GALNTL6: variants seen among roughly 807,000 people sequenced by gnomAD.
GALNTL6 encodes polypeptide N-acetylgalactosaminyltransferase like 6.
A neutral mutation model predicts 73.7 loss-of-function variants in GALNTL6; 46 were observed. The ratio of observed to expected loss-of-function variants is 0.62; its 90% CI spans 0.49 to 0.80. GALNTL6 has a LOEUF of 0.80. Among genes scored for constraint, GALNTL6 ranks in the 30% least tolerant of loss-of-function variants. The probability of loss-of-function intolerance (pLI) is 0.00; values close to 1 mark genes in which losing one functional copy is unlikely to be tolerated. For synonymous variants in GALNTL6, 259 were observed against 263.7 expected (o/e 0.98, Z 0.17); for missense variants, 604 against 755.0 (o/e 0.80, Z 2.34).
intron 5 of GALNTL6, among the ~76,000 whole-genome samples, chr4:172,382,512 A>G (rs576035667): frequency 6.6e-6 from 1 of 152,204 alleles, no homozygotes; most frequent in South Asian, 2.1e-4. Context: ...TAATGTATCA[A>G]ATATATAATT....
intron 5 of GALNTL6, among the ~76,000 whole-genome samples, chr4:172,653,893 T>C (rs1278586265): frequency 6.6e-6 from 1 of 152,236 alleles, no homozygotes; most frequent in Non-Finnish European, 1.5e-5. Context: ...GCACCTTGTT[T>C]TCCACCACAG....
In GALNTL6 at chr4:172,648,554, T is replaced by C. The variant is rs530808274; in HGVS notation, c.554-160807T>C. ...ATCTTGCCCAAAGTCACATGACTCA[T>C]AAATGGAAGAAACACGATTCAAAAC... is the stretch of plus-strand genomic sequence containing the variant. On this transcript the variant is annotated intron_variant, in intron 5 of 12. Transcript: ENST00000506823. Among the ~76,000 whole-genome samples the C allele has an allele frequency of 2.6e-5, 4 of 152,244 alleles. No homozygotes were observed. In the East Asian group the frequency reaches 7.7e-4, roughly 29 times the overall value.
At chr4:172,847,390 T>C (rs1295467666) in intron 7 of GALNTL6, among the ~76,000 whole-genome samples, 1 of 152,224 alleles carries the variant, frequency 6.6e-6, no homozygotes, top group East Asian at 1.9e-4. Flanking sequence ...TCCACCCAGG[T>C]AGACAAAGTT....
At chr4:171,853,983 A>G (rs892358043) in intron 2 of GALNTL6, among the ~76,000 whole-genome samples, 2 of 152,092 alleles carry the variant, frequency 1.3e-5, no homozygotes, top group African/African-American at 2.4e-5. Context: ...TACATGCAGC[A>G]CTGGAAATAA....
intron 2 of GALNTL6, among the ~76,000 whole-genome samples, chr4:171,972,076 A>AT (rs1354580503): frequency 6.6e-6 from 1 of 152,020 alleles, no homozygotes; most frequent in Non-Finnish European, 1.5e-5. Context: ...TTGTGTGAGC[A>AT]TTATTTCAGC....
chr4:172,096,530 C>A (rs1198429868), intron 2 of GALNTL6, among the ~76,000 whole-genome samples: 1 of 125,968 alleles, frequency 7.9e-6, no homozygotes, highest in East Asian at 2.0e-4. Context: ...TACTGACAGC[C>A]CTTTTTATAA....
chr4:171,859,098 T>C (rs1407600353), intron 2 of GALNTL6, among the ~76,000 whole-genome samples: 2 of 152,184 alleles, frequency 1.3e-5, no homozygotes, highest in Non-Finnish European at 2.9e-5. Context: ...AGAATACCTC[T>C]CAATGTCAAA....
chr4:172,034,417 T>A (rs760177478), intron 2 of GALNTL6, among the ~76,000 whole-genome samples: 8 of 55,604 alleles, frequency 1.4e-4, no homozygotes, highest in African/African-American at 5.8e-4. Flanking sequence ...TGTGTGTGTG[T>A]GTGTGTGTGT....
chr4:172,213,161 A>C (rs779561557), intron 2 of GALNTL6, among the ~76,000 whole-genome samples: 1 of 152,066 alleles, frequency 6.6e-6, no homozygotes. Context: ...CATTGTATAG[A>C]TGTTCCAATT....
At position 172,504,643 on chromosome 4, in the gene GALNTL6, A is replaced by G. The variant is rs1461162135; in HGVS notation, c.553+155954A>G. Among the ~76,000 whole-genome samples, 3 of 52,386 alleles carry G rather than the reference A, an allele frequency of 5.7e-5. 1 individual carries two copies. Among genetic ancestry groups the G allele is most frequent in the African/African-American group, 1.4e-4 (3 of 21,018 alleles). 34.4% of individuals were successfully genotyped at this position (52,386 alleles called of 152,430 possible). ...CTAAAAAAAAAAAAAAAAAGAAGTA[A>G]TGGGGGGATGGAGTCTCTCCCCTTA... On this transcript the variant is annotated intron_variant, in intron 5 of 12. Coordinates refer to ENST00000506823, the MANE Select transcript of GALNTL6 (RefSeq NM_001034845.3).
intron 11 of GALNTL6, among the ~76,000 whole-genome samples, chr4:173,011,534 A>G (rs1290352458): frequency 1.3e-5 from 2 of 152,170 alleles, no homozygotes; most frequent in African/African-American, 4.8e-5. Flanking sequence ...ATTTTTGTAC[A>G]TGACAAGAGA....
rs183817043 is a variant in GALNTL6, at chr4:172,271,559, C to T, written c.248-40055C>T. Reference sequence around the variant, plus strand: ...GTACATATATATGCACAGATATGTGCACACCTATGCATATATGTGCATTTA... The same window carrying T: ...GTACATATATATGCACAGATATGTGTACACCTATGCATATATGTGCATTTA... On this transcript the variant is annotated intron_variant, in intron 3 of 12. Transcript: ENST00000506823. 2.0e-4 allele frequency among the ~76,000 whole-genome samples: 31 copies of T among 152,136 alleles called. No individual in the cohort carries two copies. The East Asian group carries it at 2.7e-3, about 13-fold the overall frequency.
At chr4:172,684,686 A>G (rs891451346) in intron 5 of GALNTL6, among the ~76,000 whole-genome samples, 6 of 152,220 alleles carry the variant, frequency 3.9e-5, no homozygotes, top group African/African-American at 1.4e-4. Context: ...CATGGAAAAG[A>G]GATGAACCTT....
At chr4:171,844,734 A>AT (rs1177150505) in intron 2 of GALNTL6, among the ~76,000 whole-genome samples, 1 of 152,150 alleles carries the variant, frequency 6.6e-6, no homozygotes, top group East Asian at 1.9e-4. Context: ...AAGAACAAAT[A>AT]TAACATTGAG....
At chr4:173,021,810 T>C (rs1377544960) in intron 12 of GALNTL6, among the ~76,000 whole-genome samples, 185 bp downstream of exon 12, 4 of 151,854 alleles carry the variant, frequency 2.6e-5, no homozygotes, top group Non-Finnish European at 5.9e-5. Flanking sequence ...CTGACCAACA[T>C]AGCGAAACCC....
chr4:172,210,877 C>T (rs1368781887), intron 2 of GALNTL6, among the ~76,000 whole-genome samples: 1 of 152,120 alleles, frequency 6.6e-6, no homozygotes, highest in Admixed American at 6.5e-5. Context: ...TTGTTTATAT[C>T]AGTATAGTCT....
At chr4:172,528,193 C>T (rs1735026123) in intron 5 of GALNTL6, among the ~76,000 whole-genome samples, 1 of 151,066 alleles carries the variant, frequency 6.6e-6, no homozygotes, top group South Asian at 2.1e-4. Flanking sequence ...TCTAGACCAA[C>T]ACTAAGAAAA....
At chr4:171,835,457 A>C (rs1481184529) in intron 2 of GALNTL6, among the ~76,000 whole-genome samples, 1 of 151,308 alleles carries the variant, frequency 6.6e-6, no homozygotes. Flanking sequence ...AACTATAGCA[A>C]TAGTTTATTT....
chr4:172,350,696 GCTT>G (rs1741911250), intron 5 of GALNTL6, among the ~76,000 whole-genome samples: 1 of 152,036 alleles, frequency 6.6e-6, no homozygotes. Flanking sequence ...GTGATAAAAT[GCTT>G]CTATAATCTT....
Sources: gnomAD v4.1 joint callset for allele counts (sites outside exome capture counted in the v4.1 genomes callset) on GRCh38, gnomAD v4.1.1 for gene constraint, MANE v1.5 for transcripts, NCBI Gene and HGNC (gene_info 2026-07-23, HGNC 2026-07-21) for gene names.